RFC3: variants seen among roughly 807,000 people sequenced by gnomAD.
RFC3 encodes A1 38 kDa subunit.
Under a neutral mutation model 45.1 loss-of-function variants are expected in RFC3, and 41 were observed. The observed-to-expected ratio is 0.91, with a 90% CI of 0.71 to 1.18. The LOEUF (loss-of-function observed/expected upper bound fraction) is 1.18, where lower values mean the gene tolerates loss of function less well. RFC3 is among the 50% of genes most tolerant of loss of function. The pLI, the probability that RFC3 is intolerant of heterozygous loss-of-function variation, is 0.00. For missense variants in RFC3, 423 were observed against 428.1 expected (o/e 0.99, Z 0.10); for synonymous variants, 149 against 144.0 (o/e 1.03, Z -0.25).
At chr13:33,861,537 C>T (rs2137536998) in intron 8 of RFC3, among the ~76,000 whole-genome samples, 1 of 151,534 alleles carries the variant, frequency 6.6e-6, no homozygotes, top group African/African-American at 2.4e-5. Flanking sequence ...TCCAGCTATT[C>T]AGGAGGCTGA....
At position 33,940,291 on chromosome 13, in the gene RFC3, A is replaced by G. The variant is rs191928179; in HGVS notation, c.880-25796A>G. Among the ~76,000 whole-genome samples the G allele has an allele frequency of 1.4e-3, 208 of 152,274 alleles. 6 individuals carry two copies. The East Asian group carries it at 0.035, about 26-fold the overall frequency. Reference sequence around the variant, plus strand: ...TTTATTATATCTGATATTTACTATCAGGTTCAAAAATTATTTGTTTTTTCA... The same window carrying G: ...TTTATTATATCTGATATTTACTATCGGGTTCAAAAATTATTTGTTTTTTCA... On this transcript the variant is annotated intron_variant, in intron 8 of 8. Transcript: ENST00000434425.
At chr13:33,896,153 A>G (rs1027412543) in intron 8 of RFC3, among the ~76,000 whole-genome samples, 2 of 151,692 alleles carry the variant, frequency 1.3e-5, no homozygotes, top group Non-Finnish European at 2.9e-5. Flanking sequence ...CCCAAAAGCT[A>G]TTGAAACAAA....
intron 8 of RFC3, among the ~76,000 whole-genome samples, chr13:33,885,336 TA>T (rs58208461): frequency 1.9e-3 from 281 of 147,850 alleles, no homozygotes; most frequent in Non-Finnish European, 3.0e-3. Flanking sequence ...AGGCTTTCTT[TA>T]AAAAAAAAAA....
At position 33,831,465 on chromosome 13, in the gene RFC3, A is replaced by G. The variant is rs3135605; in HGVS notation, c.809+111A>G. The G allele has an allele frequency of 1.2e-3, 758 of 622,466 alleles. 7 individuals are homozygous for G. The African/African-American group carries it at 0.012, about 10-fold the overall frequency. The allele number at this position is 622,466 out of a possible 1,614,324, so 38.6% of individuals were successfully genotyped here. ...TGAATTATAATTAAATCCTGAATCTATGTATTAACTTTTTAAGGAAAATGT... is the reference window on the plus strand; with the variant it reads ...TGAATTATAATTAAATCCTGAATCTGTGTATTAACTTTTTAAGGAAAATGT... On this transcript the variant is annotated intron_variant, in intron 7 of 8. Coordinates refer to ENST00000380071, the MANE Select transcript of RFC3 (RefSeq NM_002915.4).
intron 8 of RFC3, among the ~76,000 whole-genome samples, chr13:33,904,740 A>G (rs996924553): frequency 6.6e-6 from 1 of 151,936 alleles, no homozygotes; most frequent in Non-Finnish European, 1.5e-5. Flanking sequence ...AATTTCTTCC[A>G]CATTTAACAT....
intron 3 of RFC3, among the ~76,000 whole-genome samples, 170 bp from the exon 4 acceptor site, chr13:33,825,619 A>G (rs1328641197): frequency 6.6e-6 from 1 of 152,146 alleles, no homozygotes; most frequent in Non-Finnish European, 1.5e-5. Context: ...CAATTGGAAT[A>G]TTGTTAGTAT....
chr13:33,912,802 A>G (rs561883645), intron 8 of RFC3, among the ~76,000 whole-genome samples: 1 of 152,282 alleles, frequency 6.6e-6, no homozygotes, highest in Non-Finnish European at 1.5e-5. Context: ...AGAGATTGCC[A>G]TAACCAAGAG....
chr13:33,819,007 C>T (rs1374211947), intron 1 of RFC3, among the ~76,000 whole-genome samples: 2 of 151,092 alleles, frequency 1.3e-5, no homozygotes, highest in Admixed American at 6.6e-5. Flanking sequence ...TCTCCTGCCT[C>T]AGCCTCCCGA....
intron 8 of RFC3, among the ~76,000 whole-genome samples, chr13:33,859,303 G>A (rs1341112499): frequency 6.6e-6 from 1 of 152,118 alleles, no homozygotes; most frequent in African/African-American, 2.4e-5. Flanking sequence ...AGAATTTTGA[G>A]GGATAATAAA....
At chr13:33,848,887 G>GCA (rs1444302409) in intron 8 of RFC3, 1 of 152,090 alleles carries the variant, frequency 6.6e-6, no homozygotes, top group East Asian at 1.9e-4. Context: ...GACCACTAAG[G>GCA]GCAACTTCTA....
chr13:33,951,039 CTTTTTTTT>C (rs926664684), intron 8 of RFC3, among the ~76,000 whole-genome samples: 124 of 60,826 alleles, frequency 2.0e-3, no homozygotes, highest in African/African-American at 5.7e-3. Context: ...TCTGATGGCT[CTTTTTTTT>C]TTTTTTTTTT....
At chr13:33,911,149 C>G (rs1566025184) in intron 8 of RFC3, among the ~76,000 whole-genome samples, 1 of 152,060 alleles carries the variant, frequency 6.6e-6, no homozygotes, top group Non-Finnish European at 1.5e-5. Context: ...GGGTCAGTGT[C>G]AGGACAGTTC....
intron 8 of RFC3, chr13:33,850,846 T>A (rs1486677418): frequency 6.6e-6 from 1 of 152,066 alleles, no homozygotes. Context: ...AGTCACAACT[T>A]TTTTTTAATT....
chr13:33,828,340 TC>T (rs1451795075), intron 4 of RFC3, among the ~76,000 whole-genome samples: 1 of 152,076 alleles, frequency 6.6e-6, no homozygotes, highest in African/African-American at 2.4e-5. Context: ...CAAGCCATCT[TC>T]CTAGCTCGGC....
intron 8 of RFC3, among the ~76,000 whole-genome samples, chr13:33,926,265 G>A (rs1416151247): frequency 5.3e-5 from 8 of 150,828 alleles, no homozygotes; most frequent in South Asian, 2.1e-4. Context: ...GCTACATGAC[G>A]AGTTAGTGGG....
intron 8 of RFC3, among the ~76,000 whole-genome samples, chr13:33,870,243 A>G (rs1450230990): frequency 6.6e-6 from 1 of 152,244 alleles, no homozygotes; most frequent in African/African-American, 2.4e-5. Context: ...GCTCACTTCC[A>G]GTGCCAGGTG....
downstream of RFC3, among the ~76,000 whole-genome samples, chr13:33,841,615 T>C (rs1226591870): frequency 6.6e-6 from 1 of 152,218 alleles, no homozygotes; most frequent in Non-Finnish European, 1.5e-5. Flanking sequence ...CAGTCAACAA[T>C]AGACTATTGG....
intron 8 of RFC3, among the ~76,000 whole-genome samples, chr13:33,942,976 C>T (rs1048894653): frequency 3.3e-5 from 5 of 152,164 alleles, no homozygotes; most frequent in African/African-American, 1.2e-4. Flanking sequence ...GCATAGGAAA[C>T]ACCTTCAGAG....
In RFC3 at chr13:33,837,159, A is replaced by G. The variant is rs887561606; in HGVS notation, c.*864A>G. On this transcript the variant is annotated 3_prime_UTR_variant, in exon 9 of 9. Transcript: ENST00000380071. Reference sequence around the variant, plus strand: ...AGTTTGATTTTTGACCAGTGAAACTATGATCCCAATCAAGGTATAGATGCC... The same window carrying G: ...AGTTTGATTTTTGACCAGTGAAACTGTGATCCCAATCAAGGTATAGATGCC... The G allele has an allele frequency of 7.6e-6, 5 of 657,486 alleles. No individual in the cohort carries two copies. The highest frequency in any genetic ancestry group is 3.9e-5 in the African/African-American group (2 of 50,836). The allele number at this position is 657,486 out of a possible 1,614,324, so 40.7% of individuals were successfully genotyped here.
Sources: allele counts gnomAD v4.1 joint callset (sites outside exome capture counted in the v4.1 genomes callset), GRCh38; gene constraint gnomAD v4.1.1; transcripts MANE v1.5; gene names NCBI Gene and HGNC (gene_info 2026-07-23, HGNC 2026-07-21).